The following BBS12 variants were observed in gnomAD, a reference collection of about 807,000 sequenced individuals.
The protein encoded by BBS12 is chaperonin-containing T-complex member BBS12.
In BBS12, 5 loss-of-function variants were observed where a neutral mutation model predicts 5.6. The ratio of observed to expected loss-of-function variants is 0.89; its 90% confidence interval spans 0.46 to 1.86. The LOEUF is 1.86. Ranked by LOEUF, BBS12 falls within the 40% of genes most tolerant of loss-of-function variation. BBS12 has a pLI of 0.01. For synonymous variants in BBS12, 308 were observed against 306.8 expected (o/e 1.00, Z -0.04); for missense variants, 748 against 830.4 (o/e 0.90, Z 1.22).
At chr4:122,726,544 A>G in the BBS12 span, among the ~76,000 whole-genome samples, 1 of 152,222 alleles carries the variant, frequency 6.6e-6, no homozygotes, top group African/African-American at 2.4e-5. Context: ...AAGTAGAAAT[A>G]CCATTTGATC....
At chr4:122,706,676 G>GCAA in the BBS12 span, among the ~76,000 whole-genome samples, 1 of 152,172 alleles carries the variant, frequency 6.6e-6, no homozygotes, top group African/African-American at 2.4e-5. Flanking sequence ...CACCTTGAAT[G>GCAA]CAACCTTCTT....
At chr4:122,722,434 A>T in the BBS12 span, among the ~76,000 whole-genome samples, 4 of 152,234 alleles carry the variant, frequency 2.6e-5, no homozygotes, top group Non-Finnish European at 5.9e-5. Flanking sequence ...CAAGTTCTAC[A>T]CAAAAACACA....
chr4:122,721,640 GC>G, the BBS12 span, among the ~76,000 whole-genome samples: 2 of 152,318 alleles, frequency 1.3e-5, no homozygotes, highest in South Asian at 4.1e-4. Flanking sequence ...GTTGATGCTA[GC>G]TCTTGGCTGG....
At position 122,743,502 on chromosome 4, in the gene BBS12, T is replaced by A. The variant is rs1297963971; in HGVS notation, c.1610T>A (p.Leu537His). 6.2e-7 allele frequency: 1 copy of A among 1,614,228 alleles called. No individual in the cohort carries two copies. Among genetic ancestry groups the A allele is most frequent in the Admixed American group, 1.7e-5 (1 of 60,026 alleles). The change falls in exon 2 of 2, where the codon CTT (leucine) becomes CAT (histidine). Residue 537 changes from leucine (L) to histidine (H), a missense_variant. Coordinates refer to ENST00000314218, the MANE Select transcript of BBS12 (RefSeq NM_152618.3). ...GCTCTAAAAGAGGAAAAGGTCTTCC[T>A]TGGAGGTGGTGCAGTTGAATTTTTG... ...YYALKEEKVF[L>H]GGGAVEFLCL...
chr4:122,727,697 C>G, the BBS12 span, among the ~76,000 whole-genome samples: 2 of 150,196 alleles, frequency 1.3e-5, no homozygotes, highest in African/African-American at 4.9e-5. Context: ...GGATTACAGG[C>G]GCCTGCCACC....
chr4:122,733,353 A>T (rs1364630126), intron 1 of BBS12, among the ~76,000 whole-genome samples: 1 of 142,338 alleles, frequency 7.0e-6, no homozygotes, highest in Non-Finnish European at 1.5e-5. Context: ...CATAATTACT[A>T]TCGGACCCCG....
chr4:122,712,451 AG>A, the BBS12 span, among the ~76,000 whole-genome samples: 1 of 152,234 alleles, frequency 6.6e-6, no homozygotes, highest in Non-Finnish European at 1.5e-5. Context: ...AAACTTTAAA[AG>A]CTAATTACTA....
intron 1 of BBS12, among the ~76,000 whole-genome samples, chr4:122,740,428 A>T (rs1419405382): frequency 2.0e-5 from 3 of 152,126 alleles, no homozygotes; most frequent in East Asian, 1.9e-4. Flanking sequence ...TTCCCATTGA[A>T]CCTGTGGTGG....
Position 122,742,228 on chromosome 4 carries a change from A to C in BBS12, c.336A>C (p.Ile112=). The C allele has an allele frequency of 6.2e-7, 1 of 1,613,896 alleles. No homozygotes were observed. Among genetic ancestry groups the C allele is most frequent in the Non-Finnish European group, 8.5e-7 (1 of 1,180,028 alleles). The change falls in exon 2 of 2, where the codon ATA becomes ATC. Residue 112 remains isoleucine (I), a synonymous_variant. Transcript: ENST00000314218. ...CLHLGVPISI[I]VSVMSEGLNF... is the part of the protein sequence containing the mutation. ...ATCTTGGTGTCCCCATTTCCATAAT[A>C]GTATCAGTAATGTCAGAAGGCTTAA... is the stretch of plus-strand genomic sequence containing the variant.
intron 1 of BBS12, among the ~76,000 whole-genome samples, chr4:122,735,880 T>G (rs1402719525): frequency 6.6e-6 from 1 of 152,230 alleles, no homozygotes; most frequent in East Asian, 1.9e-4. Context: ...GTATAACAGA[T>G]GGAACAAATC....
At chr4:122,704,591 A>G in the BBS12 span, among the ~76,000 whole-genome samples, 3 of 152,176 alleles carry the variant, frequency 2.0e-5, no homozygotes, top group South Asian at 2.1e-4. Context: ...TTAGAAGTTA[A>G]GTTCTAAGCT....
At chr4:122,730,875 G>A (rs1347367133), upstream of BBS12, 2 of 151,960 alleles carry the variant, frequency 1.3e-5, no homozygotes, top group South Asian at 2.1e-4. Context: ...TCTTGATACC[G>A]GTTAGTATTA....
chr4:122,709,084 T>C, the BBS12 span, among the ~76,000 whole-genome samples: 1 of 151,908 alleles, frequency 6.6e-6, no homozygotes, highest in Non-Finnish European at 1.5e-5. Flanking sequence ...TGTATATATA[T>C]ATACTAATAT....
At chr4:122,704,520 T>C in the BBS12 span, among the ~76,000 whole-genome samples, 1 of 152,196 alleles carries the variant, frequency 6.6e-6, no homozygotes, top group Non-Finnish European at 1.5e-5. Flanking sequence ...CCACCTTTTC[T>C]TCCTCATATT....
the BBS12 span, among the ~76,000 whole-genome samples, chr4:122,720,107 C>T: frequency 6.6e-6 from 1 of 151,864 alleles, no homozygotes; most frequent in African/African-American, 2.4e-5. Context: ...TAATAATAGA[C>T]CTAAAGATAA....
chr4:122,737,003 A>G (rs1490556434), intron 1 of BBS12, among the ~76,000 whole-genome samples: 1 of 152,168 alleles, frequency 6.6e-6, no homozygotes, highest in East Asian at 1.9e-4. Flanking sequence ...TTTTGCTTAT[A>G]CATTAGTTTT....
upstream of BBS12, among the ~76,000 whole-genome samples, chr4:122,727,923 T>TA (rs1460090777): frequency 6.6e-6 from 1 of 151,952 alleles, no homozygotes; most frequent in South Asian, 2.1e-4. Flanking sequence ...AATAGACAAA[T>TA]AGAGTCTAAA....
At chr4:122,739,843 C>T (rs766649261) in intron 1 of BBS12, among the ~76,000 whole-genome samples, 22 of 152,252 alleles carry the variant, frequency 1.4e-4, no homozygotes, top group Non-Finnish European at 2.4e-4. Context: ...CCCATGCCCC[C>T]GCTCCCTTTA....
At chr4:122,730,765 T>C (rs1800686664), upstream of BBS12, 2 of 143,622 alleles carry the variant, frequency 1.4e-5, no homozygotes, top group South Asian at 2.1e-4. Flanking sequence ...TCCTAAATTA[T>C]CACATAAGTT....
Sources: allele counts gnomAD v4.1 joint callset (sites outside exome capture counted in the v4.1 genomes callset), GRCh38; gene constraint gnomAD v4.1.1; transcripts MANE v1.5; gene names NCBI Gene and HGNC (gene_info 2026-07-23, HGNC 2026-07-21).